Variants in ETV6 observed in about 807,000 individuals in gnomAD.
ETV6 encodes ETS variant transcription factor 6.
In ETV6, 16 loss-of-function variants were observed where a neutral mutation model predicts 51.1. That is an observed-to-expected ratio of 0.31 (90% CI 0.21 to 0.48). The LOEUF (loss-of-function observed/expected upper bound fraction) is 0.48. ETV6 is among the 20% of genes least tolerant of loss of function. ETV6 has a pLI of 0.99. For synonymous variants in ETV6, 240 were observed against 224.1 expected (o/e 1.07, Z -0.64); for missense variants, 458 against 594.8 (o/e 0.77, Z 2.39).
intron 1 of ETV6, among the ~76,000 whole-genome samples, chr12:11,744,933 A>G (rs2121035527): frequency 6.6e-6 from 1 of 152,096 alleles, no homozygotes; most frequent in South Asian, 2.1e-4. Flanking sequence ...AGAGAATTTC[A>G]TGGCATGTCA....
chr12:11,810,688 T>G (rs2136418849), intron 2 of ETV6, among the ~76,000 whole-genome samples: 1 of 152,360 alleles, frequency 6.6e-6, no homozygotes, highest in African/African-American at 2.4e-5. Context: ...TGATTAGGAT[T>G]AACCTGGAAA....
chr12:11,688,333 C>T (rs945278770), intron 1 of ETV6, among the ~76,000 whole-genome samples: 1 of 152,162 alleles, frequency 6.6e-6, no homozygotes, highest in Non-Finnish European at 1.5e-5. Flanking sequence ...GTGGGAGAAC[C>T]AGCGAATGAA....
chr12:11,785,445 T>C (rs1945472203), intron 2 of ETV6, among the ~76,000 whole-genome samples: 2 of 152,212 alleles, frequency 1.3e-5, no homozygotes, highest in South Asian at 4.1e-4. Context: ...ATTTACTTAG[T>C]GCCTGATTTC....
At chr12:11,848,177 G>A (rs1484249436) in intron 3 of ETV6, among the ~76,000 whole-genome samples, 2 of 152,172 alleles carry the variant, frequency 1.3e-5, no homozygotes, top group South Asian at 2.1e-4. Context: ...TGCTCTGCAC[G>A]TATCATCTCA....
At chr12:11,855,272 C>A (rs1946615727) in intron 4 of ETV6, among the ~76,000 whole-genome samples, 1 of 152,140 alleles carries the variant, frequency 6.6e-6, no homozygotes, top group Admixed American at 6.5e-5. Context: ...CGCCACTGCA[C>A]TCCAGCCTGG....
intron 1 of ETV6, among the ~76,000 whole-genome samples, chr12:11,651,480 G>A (rs902859688): frequency 6.6e-6 from 1 of 152,152 alleles, no homozygotes; most frequent in Non-Finnish European, 1.5e-5. Flanking sequence ...ATCAAAAGGT[G>A]GTTTGGGCTT....
chr12:11,691,755 G>A (rs1466115188), intron 1 of ETV6, among the ~76,000 whole-genome samples: 1 of 152,174 alleles, frequency 6.6e-6, no homozygotes, highest in African/African-American at 2.4e-5. Flanking sequence ...TCATTGATGG[G>A]CGTTGAAGTT....
Position 11,869,370 on chromosome 12 carries a change from T to A in ETV6, c.464-54T>A, listed in dbSNP as rs1488738563. On this transcript the variant is annotated intron_variant, in intron 4 of 7. Transcript: ENST00000396373. This position sits in a 1 kb window ranked among gnomAD's most constrained non-coding sequence, Gnocchi z 5.0. ...ACCGCCTGTAGAGCCGCAGGGAGTT[T>A]CCTGTCCTGCCAACTCACTGGGGTC... 1.6e-5 allele frequency: 25 copies of A among 1,525,968 alleles called. No homozygotes were observed. Among genetic ancestry groups the A allele is most frequent in the Non-Finnish European group, 2.2e-5 (25 of 1,123,774 alleles). 94.5% of individuals were successfully genotyped at this position (1,525,968 alleles called of 1,614,324 possible).
chr12:11,764,284 A>T (rs1945131835), intron 2 of ETV6, among the ~76,000 whole-genome samples: 1 of 152,190 alleles, frequency 6.6e-6, no homozygotes. Flanking sequence ...CTCTGTGGAT[A>T]AGACAGATGG....
In ETV6 at chr12:11,873,650, T is replaced by C. The variant is rs1946919398; in HGVS notation, c.1009+3681T>C. ...ACAAAATGAAGCTAAATTCTTACTA[T>C]TCAGATATGATTTGTTCAGGTGCCC... On this transcript the variant is annotated intron_variant, in intron 5 of 7. Transcript: ENST00000396373. Among the ~76,000 whole-genome samples the C allele has an allele frequency of 1.8e-5, 2 of 112,792 alleles. 1 individual carries two copies. The highest frequency in any genetic ancestry group is 6.9e-5 in the African/African-American group (2 of 29,130). The allele number at this position is 112,792 out of a possible 152,430, so 74.0% of individuals were successfully genotyped here. A position where few individuals can be genotyped will look rare whatever the true frequency, so the allele number is the denominator to read the frequency against.
intron 1 of ETV6, among the ~76,000 whole-genome samples, chr12:11,743,732 C>G (rs990137145): frequency 6.6e-6 from 1 of 152,162 alleles, no homozygotes; most frequent in Non-Finnish European, 1.5e-5. Context: ...GGCAAAACAT[C>G]TTTCTAGTTT....
intron 4 of ETV6, among the ~76,000 whole-genome samples, chr12:11,865,714 C>G (rs1040196827): frequency 4.7e-5 from 7 of 148,392 alleles, no homozygotes; most frequent in Non-Finnish European, 1.0e-4. Context: ...TATATATATA[C>G]TATATATCAT....
chr12:11,831,141 T>C lies in ETV6; in HGVS notation c.164-7999T>C, dbSNP rs181230989. ...GAAGGGAGACAACTAAAGAAACTGATGAGGCGATATTGGGGATATTCTCTG... is the reference window on the plus strand; with the variant it reads ...GAAGGGAGACAACTAAAGAAACTGACGAGGCGATATTGGGGATATTCTCTG... On this transcript the variant is annotated intron_variant, in intron 2 of 7. Coordinates refer to ENST00000396373, the MANE Select transcript of ETV6 (RefSeq NM_001987.5). Among the ~76,000 whole-genome samples the C allele has an allele frequency of 1.5e-3, 229 of 152,296 alleles. 3 individuals carry two copies. The highest frequency in any genetic ancestry group is 5.3e-3 in the African/African-American group (220 of 41,558).
chr12:11,880,506 C>T (rs1382689424), intron 5 of ETV6, among the ~76,000 whole-genome samples: 2 of 148,386 alleles, frequency 1.3e-5, no homozygotes, highest in East Asian at 1.9e-4. Flanking sequence ...TAAGCCCTTA[C>T]ATTGGAGAAA....
intron 2 of ETV6, among the ~76,000 whole-genome samples, chr12:11,759,541 T>C (rs1447574955): frequency 9.9e-5 from 15 of 152,180 alleles, no homozygotes; most frequent in Non-Finnish European, 1.5e-5. Flanking sequence ...TGAGAACCAG[T>C]CCATTTTATG....
intron 1 of ETV6, among the ~76,000 whole-genome samples, chr12:11,748,118 T>C (rs925691743): frequency 2.0e-5 from 3 of 152,226 alleles, no homozygotes; most frequent in South Asian, 2.1e-4. Flanking sequence ...TTCCATCTTA[T>C]CTGGGTTGCA....
chr12:11,805,817 C>T (rs1222538928), intron 2 of ETV6, among the ~76,000 whole-genome samples: 1 of 152,220 alleles, frequency 6.6e-6, no homozygotes, highest in African/African-American at 2.4e-5. Flanking sequence ...GAGCAACAAG[C>T]ATCCGTGTCT....
chr12:11,659,503 CT>C (rs1864060391), intron 1 of ETV6, among the ~76,000 whole-genome samples: 1 of 152,124 alleles, frequency 6.6e-6, no homozygotes, highest in Non-Finnish European at 1.5e-5. Flanking sequence ...TGATTTTCTT[CT>C]CAGCTGCCCT....
chr12:11,720,651 C>G (rs371518277), intron 1 of ETV6, among the ~76,000 whole-genome samples: 1 of 152,188 alleles, frequency 6.6e-6, no homozygotes, highest in Non-Finnish European at 1.5e-5. Context: ...AAAAACCCCT[C>G]TTGACACTAG....
Sources: gnomAD v4.1 joint callset for allele counts (sites outside exome capture counted in the v4.1 genomes callset) on GRCh38, gnomAD v4.1.1 for gene constraint, Gnocchi (gnomAD v3.1) non-coding constraint, MANE v1.5 for transcripts, NCBI Gene and HGNC (gene_info 2026-07-23, HGNC 2026-07-21) for gene names.